Variants in LRRC4C observed in about 807,000 individuals in gnomAD.
The protein encoded by LRRC4C is leucine-rich repeat-containing protein 4C.
In LRRC4C, 5 loss-of-function variants were observed where a neutral mutation model predicts 33.6. The observed-to-expected ratio is 0.15, with a 90% CI of 0.08 to 0.31. The LOEUF is 0.31. Among genes scored for constraint, LRRC4C ranks in the 10% least tolerant of loss-of-function variants. The pLI is 1.00. For missense variants in LRRC4C, 560 were observed against 796.7 expected, an observed-to-expected ratio of 0.70 and a Z score of 3.58; for synonymous variants, 329 against 302.0, an observed-to-expected ratio of 1.09 and a Z score of -0.93.
At chr11:40,978,788 T>TC (rs930024232) in intron 1 of LRRC4C, among the ~76,000 whole-genome samples, 4 of 148,264 alleles carry the variant, frequency 2.7e-5, no homozygotes, top group African/African-American at 9.9e-5. Flanking sequence ...TGCCCGGCTA[T>TC]TTTTTTTTTC....
In LRRC4C at chr11:40,777,780, C is replaced by T. The variant is rs183652147; in HGVS notation, c.-406-129502G>A. ...TTGGCTCACTGCAAGCTCCGCCTCC[C>T]GAGTTCACGCCATTCTCCTGCCTCA... On this transcript the variant is annotated intron_variant, in intron 2 of 6. Coordinates refer to ENST00000528697, the MANE Select transcript of LRRC4C (RefSeq NM_001258419.2). 1.4e-3 allele frequency among the ~76,000 whole-genome samples: 206 copies of T among 151,914 alleles called. 1 individual carries two copies. Among genetic ancestry groups the T allele is most frequent in the African/African-American group, 4.6e-3 (189 of 41,444 alleles).
intron 3 of LRRC4C, among the ~76,000 whole-genome samples, chr11:40,568,132 A>T (rs1957838885): frequency 6.6e-6 from 1 of 152,180 alleles, no homozygotes; most frequent in Non-Finnish European, 1.5e-5. Context: ...CACTTTTGAG[A>T]TTAGGTTACA....
At chr11:40,297,280 T>C (rs915184351) in intron 4 of LRRC4C, among the ~76,000 whole-genome samples, 39 of 152,328 alleles carry the variant, frequency 2.6e-4, no homozygotes, top group African/African-American at 9.1e-4. Context: ...TGGAAATAAA[T>C]ATTCTCTTTT....
intron 1 of LRRC4C, among the ~76,000 whole-genome samples, chr11:41,270,324 A>C: frequency 6.6e-6 from 1 of 152,146 alleles, no homozygotes; most frequent in East Asian, 1.9e-4. Flanking sequence ...ATTTATATTA[A>C]AGAAGGTTCC....
chr11:40,458,839 CAGAG>C (rs1436576058), intron 3 of LRRC4C, among the ~76,000 whole-genome samples: 2 of 152,068 alleles, frequency 1.3e-5, no homozygotes, highest in African/African-American at 2.4e-5. Flanking sequence ...GTAATAAACT[CAGAG>C]AGAATGTTTT....
chr11:40,546,776 C>T (rs755322495), intron 3 of LRRC4C, among the ~76,000 whole-genome samples: 25 of 152,018 alleles, frequency 1.6e-4, no homozygotes, highest in Non-Finnish European at 2.6e-4. Context: ...AGTTTTCATA[C>T]GCACAACTGG....
chr11:40,306,753 G>C (rs983381858), intron 4 of LRRC4C, among the ~76,000 whole-genome samples: 3 of 152,096 alleles, frequency 2.0e-5, no homozygotes, highest in Admixed American at 6.6e-5. Context: ...CCACGCCCAC[G>C]TTCAGAGACT....
At chr11:40,928,707 G>A (rs1020883662) in intron 2 of LRRC4C, among the ~76,000 whole-genome samples, 7 of 151,926 alleles carry the variant, frequency 4.6e-5, no homozygotes, top group Admixed American at 1.3e-4. Context: ...TAATAATTTT[G>A]ACTATTATAA....
intron 1 of LRRC4C, among the ~76,000 whole-genome samples, chr11:41,417,586 G>A (rs568836626): frequency 2.6e-4 from 39 of 152,054 alleles, no homozygotes; most frequent in Non-Finnish European, 3.5e-4. Flanking sequence ...CTGCAGATCA[G>A]CAAATTAGCA....
intron 1 of LRRC4C, among the ~76,000 whole-genome samples, chr11:41,287,341 G>A (rs1949859791): frequency 6.6e-6 from 1 of 152,120 alleles, no homozygotes; most frequent in Non-Finnish European, 1.5e-5. Flanking sequence ...CCAGAACATA[G>A]GATGATGGAA....
Position 40,580,300 on chromosome 11 carries a change from A to T in LRRC4C, c.-270+67842T>A, listed in dbSNP as rs139198068. On this transcript the variant is annotated intron_variant, in intron 3 of 6. Coordinates refer to ENST00000528697, the MANE Select transcript of LRRC4C (RefSeq NM_001258419.2). ...CCTTCACAAGGCAGCAGGAGAGAAA[A>T]ATGAGCAAGAGTATGGAAAACTGCC... 5.8e-3 allele frequency among the ~76,000 whole-genome samples: 879 copies of T among 152,198 alleles called. 2 individuals carry two copies. The highest frequency in any genetic ancestry group is 1.0e-2 in the Non-Finnish European group (678 of 68,010).
chr11:40,994,463 A>C (rs1483256604), intron 1 of LRRC4C, among the ~76,000 whole-genome samples: 1 of 152,134 alleles, frequency 6.6e-6, no homozygotes. Context: ...TTTGCAATTA[A>C]CATAGGGTGA....
At chr11:40,984,352 G>A (rs144631244) in intron 1 of LRRC4C, among the ~76,000 whole-genome samples, 2,007 of 86,186 alleles carry the variant, frequency 0.023, 54 homozygotes, top group African/African-American at 0.074. Context: ...GTAGGAAAGA[G>A]AAAGAAAGAA....
At chr11:40,316,205 T>C (rs781344146) in intron 4 of LRRC4C, among the ~76,000 whole-genome samples, 2 of 152,030 alleles carry the variant, frequency 1.3e-5, no homozygotes, top group Non-Finnish European at 2.9e-5. Context: ...TGAAATTATG[T>C]AACTCATTAT....
intron 2 of LRRC4C, among the ~76,000 whole-genome samples, chr11:40,768,026 C>A (rs1949560367): frequency 6.6e-6 from 1 of 151,502 alleles, no homozygotes; most frequent in South Asian, 2.1e-4. Context: ...AAAATATAAA[C>A]AAAATAAAAA....
At chr11:40,356,361 G>A (rs1189591241) in intron 3 of LRRC4C, among the ~76,000 whole-genome samples, 1 of 152,208 alleles carries the variant, frequency 6.6e-6, no homozygotes, top group East Asian at 1.9e-4. Context: ...GATTACGTGG[G>A]ACATAGTATG....
intron 1 of LRRC4C, among the ~76,000 whole-genome samples, chr11:40,983,665 A>G (rs1436263368): frequency 6.6e-6 from 1 of 152,184 alleles, no homozygotes; most frequent in Non-Finnish European, 1.5e-5. Context: ...AAACAACCCC[A>G]TTAAAAAGTG....
At chr11:40,532,557 A>G (rs187298043) in intron 3 of LRRC4C, among the ~76,000 whole-genome samples, 1 of 152,116 alleles carries the variant, frequency 6.6e-6, no homozygotes, top group Admixed American at 6.6e-5. Context: ...GGGAAATGAG[A>G]AGGAGGACCA....
intron 1 of LRRC4C, among the ~76,000 whole-genome samples, chr11:41,443,157 G>C (rs1389727338): frequency 8.3e-6 from 1 of 120,262 alleles, no homozygotes; most frequent in Admixed American, 1.0e-4. Flanking sequence ...ACACTGACTT[G>C]AAAGACAAAT....
Sources: allele counts gnomAD v4.1 joint callset (sites outside exome capture counted in the v4.1 genomes callset), GRCh38; gene constraint gnomAD v4.1.1; transcripts MANE v1.5; gene names NCBI Gene and HGNC (gene_info 2026-07-23, HGNC 2026-07-21).